The following PDE8B variants were observed in gnomAD, a reference collection of about 807,000 sequenced individuals.
PDE8B encodes phosphodiesterase 8B, also known as high affinity cAMP-specific and IBMX-insensitive 3',5'-cyclic phosphodiesterase 8B.
In PDE8B, 26 loss-of-function variants were observed where a neutral mutation model predicts 101.3. The ratio of observed to expected loss-of-function variants is 0.26; its 90% CI spans 0.19 to 0.36. The LOEUF is 0.36. PDE8B is among the 10% of genes least tolerant of loss of function. The pLI, the probability that PDE8B is intolerant of heterozygous loss-of-function variation, is 1.00. For synonymous variants in PDE8B, 424 were observed against 429.3 expected, an observed-to-expected ratio of 0.99 and a Z score of 0.15; for missense variants, 810 against 1,163.1, an observed-to-expected ratio of 0.70 and a Z score of 4.42.
intron 6 of PDE8B, among the ~76,000 whole-genome samples, chr5:77,340,000 G>A (rs964047409): frequency 4.6e-5 from 7 of 152,182 alleles, no homozygotes; most frequent in Non-Finnish European, 7.3e-5. Flanking sequence ...AATGGAGAGC[G>A]TCTAGGATAA....
At chr5:77,312,186 C>A in intron 2 of PDE8B, 133 bp downstream of exon 2, 1 of 689,382 alleles carries the variant, frequency 1.5e-6, no homozygotes, top group Non-Finnish European at 2.6e-6. Flanking sequence ...TCACTGCAAC[C>A]TCTGCCTCCT....
At chr5:77,411,621 AG>A in intron 14 of PDE8B, 54 bp from the exon 15 acceptor site, 2 of 1,390,260 alleles carry the variant, frequency 1.4e-6, no homozygotes, top group Non-Finnish European at 2.0e-6. Context: ...AAAAAAAAAA[AG>A]AGAATGATAA....
At chr5:77,185,854 C>A in the PDE8B span, among the ~76,000 whole-genome samples, 1 of 152,166 alleles carries the variant, frequency 6.6e-6, no homozygotes, top group Non-Finnish European at 1.5e-5. Flanking sequence ...TAATGTGAAG[C>A]CGAGTGGCTG....
At chr5:77,291,191 G>A in intron 1 of PDE8B, 2 of 1,610,870 alleles carry the variant, frequency 1.2e-6, no homozygotes, top group East Asian at 2.2e-5. Flanking sequence ...CGAGGCGACT[G>A]TTTGTACATG....
intron 1 of PDE8B, among the ~76,000 whole-genome samples, chr5:77,285,339 T>TAAGA (rs1765788305): frequency 6.6e-6 from 1 of 152,230 alleles, no homozygotes; most frequent in Non-Finnish European, 1.5e-5. Flanking sequence ...TAATCTGAAA[T>TAAGA]AATTATTGTC....
At chr5:77,245,402 C>T (rs1756646025) in intron 1 of PDE8B, among the ~76,000 whole-genome samples, 1 of 152,100 alleles carries the variant, frequency 6.6e-6, no homozygotes, top group Non-Finnish European at 1.5e-5. Flanking sequence ...ACTTTATATG[C>T]AAGATAATTA....
intron 11 of PDE8B, among the ~76,000 whole-genome samples, chr5:77,402,260 A>T (rs1478550728): frequency 2.0e-5 from 3 of 151,450 alleles, no homozygotes; most frequent in Admixed American, 6.6e-5. Context: ...TAATTGTAAA[A>T]ATATATATAT....
At chr5:77,276,036 C>T (rs910115623) in intron 1 of PDE8B, among the ~76,000 whole-genome samples, 1 of 152,128 alleles carries the variant, frequency 6.6e-6, no homozygotes, top group Non-Finnish European at 1.5e-5. Flanking sequence ...TCCTGTGTGA[C>T]GAATTGCCTG....
intron 10 of PDE8B, among the ~76,000 whole-genome samples, chr5:77,391,094 A>G (rs1789811549): frequency 6.6e-6 from 1 of 152,228 alleles, no homozygotes; most frequent in African/African-American, 2.4e-5. Flanking sequence ...TATTCTCCCA[A>G]TGAGCTCAAC....
At chr5:77,157,554 C>T in the PDE8B span, among the ~76,000 whole-genome samples, 16 of 152,192 alleles carry the variant, frequency 1.1e-4, no homozygotes, top group African/African-American at 2.9e-4. Context: ...AGTCATGAGG[C>T]GAACTATATA....
intron 1 of PDE8B, among the ~76,000 whole-genome samples, chr5:77,309,050 G>A (rs1433351474): frequency 6.6e-6 from 1 of 151,934 alleles, no homozygotes; most frequent in African/African-American, 2.4e-5. Flanking sequence ...GTGGTGGTGG[G>A]TGCCTGTAAT....
At chr5:77,174,860 C>T in the PDE8B span, among the ~76,000 whole-genome samples, 1 of 152,072 alleles carries the variant, frequency 6.6e-6, no homozygotes, top group African/African-American at 2.4e-5. Context: ...TGGCTCTAGC[C>T]CTGACCTGTC....
At chr5:77,340,967 T>A (rs1234619789) in intron 6 of PDE8B, among the ~76,000 whole-genome samples, 1 of 152,210 alleles carries the variant, frequency 6.6e-6, no homozygotes, top group Non-Finnish European at 1.5e-5. Flanking sequence ...CACAACTAGG[T>A]TACTTTTCCC....
chr5:77,228,335 G>A (rs888866008), intron 1 of PDE8B, among the ~76,000 whole-genome samples: 26 of 152,130 alleles, frequency 1.7e-4, no homozygotes, highest in Non-Finnish European at 3.4e-4. Context: ...GCATGAGTAC[G>A]AATAGGTGGG....
chr5:77,155,963 A>G, the PDE8B span, among the ~76,000 whole-genome samples: 1 of 152,244 alleles, frequency 6.6e-6, no homozygotes, highest in African/African-American at 2.4e-5. Context: ...GCTAAGTATC[A>G]TCTGTAATGA....
chr5:77,224,833 G>C (rs1467985373), intron 1 of PDE8B, among the ~76,000 whole-genome samples: 1 of 152,160 alleles, frequency 6.6e-6, no homozygotes, highest in Non-Finnish European at 1.5e-5. Flanking sequence ...CATTTGTCCA[G>C]CAGAGTTTCC....
At chr5:77,351,195 C>T in intron 9 of PDE8B, 42 bp downstream of exon 9, 1 of 1,407,208 alleles carries the variant, frequency 7.1e-7, no homozygotes, top group South Asian at 1.2e-5. Context: ...AAGATAAAGA[C>T]TCAAGGCCCT....
chr5:77,195,259 C>T, the PDE8B span, among the ~76,000 whole-genome samples: 8 of 152,236 alleles, frequency 5.3e-5, no homozygotes, highest in South Asian at 2.1e-4. Flanking sequence ...AGCCTCAAGT[C>T]GTTTATATAA....
intron 10 of PDE8B, among the ~76,000 whole-genome samples, chr5:77,388,515 C>A (rs1379241509): frequency 6.6e-6 from 1 of 152,224 alleles, no homozygotes; most frequent in Non-Finnish European, 1.5e-5. Flanking sequence ...TCGGCCCCTA[C>A]TGGGAGGTGT....
Sources: allele counts gnomAD v4.1 joint callset (sites outside exome capture counted in the v4.1 genomes callset), GRCh38; gene constraint gnomAD v4.1.1; transcripts MANE v1.5; gene names NCBI Gene and HGNC (gene_info 2026-07-23, HGNC 2026-07-21).